The following CCDC9 variants were observed in gnomAD, a reference collection of about 807,000 sequenced individuals.
CCDC9 encodes the protein coiled-coil domain containing 9.
CCDC9 carries 52 observed loss-of-function variants against 65.6 expected under a neutral mutation model. That is an observed-to-expected ratio of 0.79 (90% CI 0.63 to 1.00). CCDC9 has a LOEUF of 1.00. CCDC9 is among the 50% of genes least tolerant of loss of function. The pLI is 0.00. For missense variants in CCDC9, 834 were observed against 757.2 expected (o/e 1.10, Z -1.19); for synonymous variants, 332 against 280.3 (o/e 1.18, Z -1.84).
Position 47,271,450 on chromosome 19 carries a change from C to T in CCDC9, c.1368C>T (p.Ala456=). 6.2e-7 allele frequency: 1 copy of T among 1,613,814 alleles called. No homozygotes were observed. The highest frequency in any genetic ancestry group is 8.5e-7 in the Non-Finnish European group (1 of 1,179,950). ...PAQDHQAPEA[A]PTGIPCSEQA... Reference sequence around the variant, plus strand: ...AAGACCACCAAGCCCCAGAGGCTGCCCCCACCGGGATCCCCTGCAGTGAGC... The same window carrying T: ...AAGACCACCAAGCCCCAGAGGCTGCTCCCACCGGGATCCCCTGCAGTGAGC... Residue 456 remains alanine (A), a synonymous_variant, in exon 12 of 12, where the codon GCC becomes GCT. Coordinates refer to ENST00000221922, the MANE Select transcript of CCDC9 (RefSeq NM_015603.3).
At chr19:47,273,776 C>A (rs1349568989), downstream of CCDC9, 4 of 308,450 alleles carry the variant, frequency 1.3e-5, no homozygotes, top group African/African-American at 4.3e-5. Context: ...GTGACACTTC[C>A]GAAGGGCTTG....
chr19:47,257,049 G>T (rs1371081829), intron 1 of CCDC9, among the ~76,000 whole-genome samples: 1 of 151,288 alleles, frequency 6.6e-6, no homozygotes, highest in Non-Finnish European at 1.5e-5. Context: ...GGGGGAGCCA[G>T]GGGGCGGGGC....
At chr19:47,262,234 T>C (rs986520080) in intron 5 of CCDC9, among the ~76,000 whole-genome samples, 1 of 139,068 alleles carries the variant, frequency 7.2e-6, no homozygotes, top group Non-Finnish European at 1.5e-5. Flanking sequence ...TTTTTTTTCT[T>C]GAGACAGAGT....
In CCDC9 at chr19:47,260,363, G is replaced by A. The variant is rs2059036843; in HGVS notation, c.151G>A (p.Ala51Thr). Residue 51 changes from alanine (A) to threonine (T), a missense_variant, in exon 4 of 12, where the codon GCA becomes ACA. Physicochemically the swap from Ala to Thr is moderately conservative, Grantham distance 58. Transcript: ENST00000221922. ...DRKKAELEGV[A>T]VTAPRKGRSV... is the part of the protein sequence containing the mutation. ...TAAGAAAGCTGAACTTGAGGGAGTC[G>A]CAGTCACAGCTCCCCGAAAGGGCCG... 1.9e-6 allele frequency: 3 copies of A among 1,602,982 alleles called. No homozygotes were observed. Among genetic ancestry groups the A allele is most frequent in the Non-Finnish European group, 2.6e-6 (3 of 1,174,694 alleles).
Position 47,271,559 on chromosome 19 carries a change from C to T in CCDC9, c.1477C>T (p.Pro493Ser), listed in dbSNP as rs146964340. ...PGTPSSPFSP[P>S]SGHQPVSDWG... ...CACGCCTTCCAGCCCTTTCTCACCA[C>T]CCAGCGGCCACCAGCCTGTGTCCGA... Residue 493 changes from proline (P) to serine (S), a missense_variant, in exon 12 of 12, where the codon CCC (proline) becomes TCC (serine). Transcript: ENST00000221922. 706 of 1,613,312 alleles carry T rather than the reference C, an allele frequency of 4.4e-4. 3 individuals are homozygous for T. Among genetic ancestry groups the T allele is most frequent in the Admixed American group, 6.2e-4 (37 of 60,016 alleles).
intron 8 of CCDC9, among the ~76,000 whole-genome samples, chr19:47,267,527 T>C (rs1373351154): frequency 1.3e-5 from 2 of 152,320 alleles, no homozygotes; most frequent in Middle Eastern, 6.8e-3. Context: ...GAATTCACTC[T>C]GCGCCAGGGT....
At chr19:47,264,407 T>G (rs1377290405) in intron 5 of CCDC9, among the ~76,000 whole-genome samples, 196 bp from the exon 6 acceptor site, 4 of 152,212 alleles carry the variant, frequency 2.6e-5, no homozygotes, top group Admixed American at 6.5e-5. Flanking sequence ...GTACAGCGTG[T>G]TGTTCGCATA....
downstream of CCDC9, among the ~76,000 whole-genome samples, chr19:47,274,216 A>AGCGGGCTGAGAGTGTGCTGGAGGAG: frequency 6.6e-6 from 1 of 151,938 alleles, no homozygotes; most frequent in Admixed American, 6.6e-5. Context: ...GATACCTGAA[A>AGCGGGCTGAGAGTGTGCTGGAGGAG]GCGGGCTGAG....
chr19:47,271,508 C>T lies in CCDC9; in HGVS notation c.1426C>T (p.Pro476Ser). Residue 476 changes from proline (P) to serine (S), a missense_variant, in exon 12 of 12, where the codon CCC becomes TCC. Physicochemically the swap from Pro to Ser is moderately conservative, Grantham distance 74. Coordinates refer to ENST00000221922, the MANE Select transcript of CCDC9 (RefSeq NM_015603.3). ...CGGAGTCCCCTTCAGTCCGGAGGAGCCCCTGCTGGAGCCCCAGGCCCCTGG... is the reference window on the plus strand; with the variant it reads ...CGGAGTCCCCTTCAGTCCGGAGGAGTCCCTGCTGGAGCCCCAGGCCCCTGG... ...AHGVPFSPEE[P>S]LLEPQAPGTP... 6.2e-7 allele frequency: 1 copy of T among 1,612,946 alleles called. No homozygotes were observed. Among genetic ancestry groups the T allele is most frequent in the South Asian group, 1.1e-5 (1 of 91,036 alleles).
At position 47,258,556 on chromosome 19, in the gene CCDC9, C is replaced by G. The variant is rs1210140904; in HGVS notation, c.4-3C>G. ...CCATCCCTCAACTGCCTCCCGGTCT[C>G]AGGCAGCCACACTCGATTTGAAATC... On this transcript the variant is annotated splice_polypyrimidine_tract_variant and splice_region_variant and intron_variant, in intron 2 of 11. Transcript: ENST00000221922. 1.2e-6 allele frequency: 2 copies of G among 1,613,134 alleles called. No homozygotes were observed. Among genetic ancestry groups the G allele is most frequent in the East Asian group, 4.5e-5 (2 of 44,880 alleles).
At chr19:47,274,967 C>T (rs1206790340), downstream of CCDC9, 5 of 1,432,470 alleles carry the variant, frequency 3.5e-6, no homozygotes, top group Non-Finnish European at 4.6e-6. Flanking sequence ...GCCCCGGAGG[C>T]GCGGGGCTGA....
chr19:47,263,219 C>T (rs1340689040), intron 5 of CCDC9, among the ~76,000 whole-genome samples: 3 of 152,174 alleles, frequency 2.0e-5, no homozygotes, highest in Non-Finnish European at 4.4e-5. Context: ...ATTACCACCA[C>T]TATGATTGCG....
At chr19:47,259,665 T>C (rs2059032299) in intron 3 of CCDC9, among the ~76,000 whole-genome samples, 1 of 152,148 alleles carries the variant, frequency 6.6e-6, no homozygotes. Flanking sequence ...AAAAAAGGCA[T>C]ATTGAATTTC....
At chr19:47,257,010 C>G (rs1403021225) in intron 1 of CCDC9, among the ~76,000 whole-genome samples, 1 of 129,070 alleles carries the variant, frequency 7.7e-6, no homozygotes, top group Non-Finnish European at 1.6e-5. Flanking sequence ...GAGGCTGACG[C>G]AATGGCGGGG....
downstream of CCDC9, chr19:47,273,210 G>C (rs2059134388): frequency 2.4e-6 from 1 of 413,614 alleles, no homozygotes; most frequent in African/African-American, 2.1e-5. Flanking sequence ...GGATTAGTCT[G>C]GGCCCCGTAA....
At chr19:47,274,334 G>GTGGGGCTCTGGCCATGGGCA, downstream of CCDC9, 1 of 150,596 alleles carries the variant, frequency 6.6e-6, no homozygotes, top group Non-Finnish European at 1.5e-5. Flanking sequence ...GCGCGCGCGG[G>GTGGGGCTCTGGCCATGGGCA]TGGGGCTCTG....
At chr19:47,272,094 C>T (rs2059127853), downstream of CCDC9, 4 of 1,235,996 alleles carry the variant, frequency 3.2e-6, no homozygotes, top group Non-Finnish European at 3.0e-6. Flanking sequence ...CCCCTGCCTT[C>T]CCGGAGAGTG....
downstream of CCDC9, chr19:47,273,927 T>C: frequency 1.0e-6 from 1 of 974,366 alleles, no homozygotes; most frequent in Non-Finnish European, 1.2e-6. Context: ...GGGGTCTTCC[T>C]CCACCCTTCT....
downstream of CCDC9, among the ~76,000 whole-genome samples, chr19:47,272,554 G>C (rs965063473): frequency 6.6e-6 from 1 of 152,008 alleles, no homozygotes; most frequent in East Asian, 1.9e-4. Context: ...CCTGGGAGGC[G>C]GAGGCTGCAG....
Sources: allele counts gnomAD v4.1 joint callset (sites outside exome capture counted in the v4.1 genomes callset), GRCh38; gene constraint gnomAD v4.1.1; transcripts MANE v1.5; gene names NCBI Gene and HGNC (gene_info 2026-07-23, HGNC 2026-07-21).